PPP1R16B: variants seen among roughly 807,000 people sequenced by gnomAD.
PPP1R16B encodes protein phosphatase 1 regulatory subunit 16B, also known as protein phosphatase 1 regulatory inhibitor subunit 16B.
PPP1R16B carries 14 observed loss-of-function variants against 61.7 expected under a neutral mutation model. The ratio of observed to expected loss-of-function variants is 0.23; its 90% confidence interval spans 0.15 to 0.35. The LOEUF (loss-of-function observed/expected upper bound fraction) is 0.35. PPP1R16B is among the 10% of genes least tolerant of loss of function. The probability of loss-of-function intolerance (pLI) is 1.00; values close to 1 mark genes in which losing one functional copy is unlikely to be tolerated. For missense variants in PPP1R16B, 547 were observed against 752.5 expected (o/e 0.73, Z 3.19); for synonymous variants, 266 against 305.3 (o/e 0.87, Z 1.34).
intron 7 of PPP1R16B, among the ~76,000 whole-genome samples, chr20:38,906,388 G>A (rs923210586): frequency 4.0e-5 from 6 of 149,116 alleles, no homozygotes; most frequent in Admixed American, 3.4e-4. Context: ...CCATCTCCTG[G>A]GTTCAAACAA....
At chr20:38,848,062 A>G (rs1601253648) in intron 2 of PPP1R16B, among the ~76,000 whole-genome samples, 1 of 152,148 alleles carries the variant, frequency 6.6e-6, no homozygotes, top group Non-Finnish European at 1.5e-5. Flanking sequence ...ATTCATTTAC[A>G]TATTATCTAT....
At chr20:38,857,864 C>T (rs540167509) in intron 2 of PPP1R16B, among the ~76,000 whole-genome samples, 21 of 151,548 alleles carry the variant, frequency 1.4e-4, no homozygotes, top group Non-Finnish European at 1.6e-4. Flanking sequence ...GTGGACATGG[C>T]TTGAGAACTT....
intron 4 of PPP1R16B, among the ~76,000 whole-genome samples, chr20:38,899,642 G>T (rs2085376136): frequency 6.6e-6 from 1 of 152,208 alleles, no homozygotes; most frequent in South Asian, 2.1e-4. Flanking sequence ...CTTGGAGGAG[G>T]TGGAATATAA....
At chr20:38,836,197 C>CG in intron 2 of PPP1R16B, 22 bp downstream of exon 2, 1 of 1,595,922 alleles carries the variant, frequency 6.3e-7, no homozygotes, top group Non-Finnish European at 8.5e-7. Flanking sequence ...TGTGCCTTGG[C>CG]GGCCACGCAG....
chr20:38,876,844 G>T (rs931131065), intron 2 of PPP1R16B, among the ~76,000 whole-genome samples: 1 of 152,168 alleles, frequency 6.6e-6, no homozygotes, highest in African/African-American at 2.4e-5. Flanking sequence ...GATTATAAAG[G>T]TAGTACATAT....
chr20:38,833,780 C>G (rs1028529983), intron 1 of PPP1R16B, among the ~76,000 whole-genome samples: 1 of 152,240 alleles, frequency 6.6e-6, no homozygotes, highest in African/African-American at 2.4e-5. Context: ...AACCCCTTCC[C>G]CATTCTGCCT....
chr20:38,861,243 C>A (rs544292018), intron 2 of PPP1R16B, among the ~76,000 whole-genome samples: 1 of 152,296 alleles, frequency 6.6e-6, no homozygotes, highest in South Asian at 2.1e-4. Context: ...ACCAGAGCTA[C>A]CTGGTGGGAT....
intron 2 of PPP1R16B, among the ~76,000 whole-genome samples, chr20:38,874,397 T>A (rs887259841): frequency 1.3e-5 from 2 of 152,148 alleles, no homozygotes; most frequent in Non-Finnish European, 2.9e-5. Flanking sequence ...TATAATCTAA[T>A]TCTCAGACAA....
chr20:38,813,519 A>G (rs1306926269), intron 1 of PPP1R16B, among the ~76,000 whole-genome samples: 1 of 152,148 alleles, frequency 6.6e-6, no homozygotes, highest in Non-Finnish European at 1.5e-5. Context: ...AGCAGGACCT[A>G]TGTAAGGTTG....
intron 2 of PPP1R16B, among the ~76,000 whole-genome samples, chr20:38,887,504 G>A (rs1377606284): frequency 1.3e-5 from 2 of 152,166 alleles, no homozygotes; most frequent in Non-Finnish European, 2.9e-5. Context: ...ATTTGTGACA[G>A]AGCTAATTTT....
At position 38,806,859 on chromosome 20, in the gene PPP1R16B, G is replaced by A. The variant is rs376969184; in HGVS notation, c.-102+1067G>A. Among the ~76,000 whole-genome samples, 55 of 152,300 alleles carry A rather than the reference G, an allele frequency of 3.6e-4. No homozygotes were observed. Among genetic ancestry groups the A allele is most frequent in the East Asian group, 2.9e-3 (15 of 5,160 alleles). The stretch of plus-strand genomic sequence containing the variant: ...CGCCGCTGCCGCGCGCCAGGCCTGG[G>A]TCCCGGTGCTCCCGGGCACCTCAGG... On this transcript the variant is annotated intron_variant, in intron 1 of 10. Coordinates refer to ENST00000299824, the MANE Select transcript of PPP1R16B (RefSeq NM_015568.4). This position sits in a 1 kb window ranked among gnomAD's most constrained non-coding sequence, Gnocchi z 4.5.
chr20:38,888,563 C>T (rs1034631229), intron 2 of PPP1R16B, among the ~76,000 whole-genome samples: 2 of 152,090 alleles, frequency 1.3e-5, no homozygotes, highest in Non-Finnish European at 1.5e-5. Flanking sequence ...TGGGTGGACT[C>T]GTCCCACTGG....
At position 38,806,207 on chromosome 20, in the gene PPP1R16B, C is replaced by CG. The variant is rs1195024607; in HGVS notation, c.-102+415_-102+416insG. Among the ~76,000 whole-genome samples, 4 of 152,080 alleles carry CG rather than the reference C, an allele frequency of 2.6e-5. No individual in the cohort carries two copies. The highest frequency in any genetic ancestry group is 5.9e-5 in the Non-Finnish European group (4 of 67,982). On this transcript the variant is annotated intron_variant, in intron 1 of 10. Coordinates refer to ENST00000299824, the MANE Select transcript of PPP1R16B (RefSeq NM_015568.4). The surrounding 1 kb of genome is among the most constrained non-coding windows in gnomAD (Gnocchi z 4.5). ...GCCACAGCGGACACCAAACAACCCCCCCCCGCGCACTCTCCCGGCCGGGCA... is the reference window on the plus strand; with the variant it reads ...GCCACAGCGGACACCAAACAACCCCCGCCCCGCGCACTCTCCCGGCCGGGCA...
intron 1 of PPP1R16B, among the ~76,000 whole-genome samples, chr20:38,810,529 G>A (rs1229666175): frequency 6.6e-6 from 1 of 152,158 alleles, no homozygotes; most frequent in Non-Finnish European, 1.5e-5. Context: ...AAGAAGAAGA[G>A]GTCCACTCCC....
At chr20:38,902,050 G>A (rs145326930) in intron 5 of PPP1R16B, among the ~76,000 whole-genome samples, 1 of 152,250 alleles carries the variant, frequency 6.6e-6, no homozygotes, top group Non-Finnish European at 1.5e-5. Context: ...ATCTTTTTAC[G>A]GAGCATGTCA....
At position 38,908,187 on chromosome 20, in the gene PPP1R16B, G is replaced by A. The variant is rs2085462071; in HGVS notation, c.1188G>A (p.Lys396=). 1 of 1,614,252 alleles carries A rather than the reference G, an allele frequency of 6.2e-7. No individual in the cohort carries two copies. The highest frequency in any genetic ancestry group is 8.5e-7 in the Non-Finnish European group (1 of 1,180,048). ...IRETRTDQEN[K]DPNPRLEKPV... ...AGACCAGGACAGACCAAGAGAATAA[G>A]GACCCTGTGAGTGGCCTCACGCCCT... The change falls in exon 10 of 11, where the codon AAG becomes AAA. Residue 396 remains lysine (K), a synonymous_variant. Coordinates refer to ENST00000299824, the MANE Select transcript of PPP1R16B (RefSeq NM_015568.4).
chr20:38,809,904 G>C (rs576811510), intron 1 of PPP1R16B, among the ~76,000 whole-genome samples: 11 of 151,522 alleles, frequency 7.3e-5, no homozygotes, highest in African/African-American at 2.7e-4. Flanking sequence ...TCACCTGAAC[G>C]GGGGAAGTGG....
chr20:38,847,980 T>C (rs958022800), intron 2 of PPP1R16B, among the ~76,000 whole-genome samples: 1 of 152,208 alleles, frequency 6.6e-6, no homozygotes, highest in Non-Finnish European at 1.5e-5. Context: ...ACCAGAAAAC[T>C]GTGGCCTGAA....
chr20:38,873,743 GT>G (rs36003556), intron 2 of PPP1R16B, among the ~76,000 whole-genome samples: 20 of 140,758 alleles, frequency 1.4e-4, no homozygotes, highest in African/African-American at 2.6e-4. Flanking sequence ...TCTTTTTTTT[GT>G]TTTTTTTTTT....
Sources: gnomAD v4.1 joint callset for allele counts (sites outside exome capture counted in the v4.1 genomes callset) on GRCh38, gnomAD v4.1.1 for gene constraint, Gnocchi (gnomAD v3.1) non-coding constraint, MANE v1.5 for transcripts, NCBI Gene and HGNC (gene_info 2026-07-23, HGNC 2026-07-21) for gene names.